PROM2: variants seen among roughly 807,000 people sequenced by gnomAD.
PROM2 encodes prominin-2.
In PROM2, 90 loss-of-function variants were observed where a neutral mutation model predicts 110.2. The ratio of observed to expected loss-of-function variants is 0.82; its 90% CI spans 0.69 to 0.97. The LOEUF is 0.97. Among genes scored for constraint, PROM2 ranks in the 50% least tolerant of loss-of-function variants. The probability of loss-of-function intolerance (pLI) is 0.00; values close to 1 mark genes in which losing one functional copy is unlikely to be tolerated. For missense variants in PROM2, 1,009 were observed against 1,074.8 expected (o/e 0.94, Z 0.86); for synonymous variants, 470 against 467.8 (o/e 1.00, Z -0.06).
In PROM2 at chr2:95,289,253, C is replaced by T. The variant is rs1354075354; in HGVS notation, c.*40C>T. 7.3e-6 allele frequency: 4 copies of T among 549,608 alleles called. No homozygotes were observed. Among genetic ancestry groups the T allele is most frequent in the Non-Finnish European group, 1.3e-5 (4 of 304,684 alleles). 34.0% of individuals were successfully genotyped at this position (549,608 alleles called of 1,614,324 possible). On this transcript the variant is annotated 3_prime_UTR_variant, in exon 24 of 24. Transcript: ENST00000317620. The stretch of plus-strand genomic sequence containing the variant: ...AGGTGACCCTGAGGCTGCCTGTCCT[C>T]CCCTTTGATTTAGCCTGGGCCACAG...
intron 6 of PROM2, 57 bp downstream of exon 6, chr2:95,277,118 G>A (rs941657331): frequency 4.2e-6 from 6 of 1,438,932 alleles, no homozygotes; most frequent in African/African-American, 2.8e-5. Flanking sequence ...CTCCTGGGGC[G>A]ATCCCACCTG....
At position 95,275,198 on chromosome 2, in the gene PROM2, C is replaced by A. The variant is rs186090098; in HGVS notation, c.245-263C>A. Among the ~76,000 whole-genome samples, 8 of 152,360 alleles carry A rather than the reference C, an allele frequency of 5.3e-5. No individual in the cohort carries two copies. In the East Asian group the frequency reaches 1.5e-3, roughly 29 times the overall value. ...GAAGAACTGCCAGGCCAGACCCCTT[C>A]TCTGCCTTTGCCCAGGCTCAGGACT... On this transcript the variant is annotated intron_variant, in intron 1 of 23. Transcript: ENST00000317620. This position sits in a 1 kb window ranked among gnomAD's most constrained non-coding sequence, Gnocchi z 4.4.
At position 95,289,666 on chromosome 2, in the gene PROM2, G is replaced by A. The variant is rs928442316; in HGVS notation, c.*453G>A. 12 of 141,074 alleles carry A rather than the reference G, an allele frequency of 8.5e-5. No homozygotes were observed. Among genetic ancestry groups the A allele is most frequent in the African/African-American group, 2.4e-4 (9 of 37,764 alleles). The allele number at this position is 141,074 out of a possible 1,614,324, so 8.7% of individuals were successfully genotyped here. ...TCGCCCCCCACACCGTCCTCATCTG[G>A]CCTCCCCCCTGGCCCCCACTTCCCT... On this transcript the variant is annotated 3_prime_UTR_variant, in exon 24 of 24. Transcript: ENST00000317620.
intron 13 of PROM2, 38 bp from the exon 14 acceptor site, chr2:95,282,104 C>T: frequency 2.5e-6 from 4 of 1,610,584 alleles, no homozygotes; most frequent in African/African-American, 2.7e-5. Context: ...CCCCGCCACC[C>T]CCAAGGCTCA....
chr2:95,278,461 T>C (rs1573448834), intron 8 of PROM2: 1 of 579,620 alleles, frequency 1.7e-6, no homozygotes. Context: ...GACCTGGCAG[T>C]TGTGTGGAGG....
chr2:95,284,946 C>T, intron 14 of PROM2, 23 bp from the exon 15 acceptor site: 1 of 1,604,116 alleles, frequency 6.2e-7, no homozygotes, highest in Non-Finnish European at 8.5e-7. Context: ...GGCATGACTC[C>T]CACCCTGCGC....
At position 95,286,503 on chromosome 2, in the gene PROM2, C is replaced by T; in HGVS notation, c.1972C>T (p.Leu658=). 1 of 1,613,804 alleles carries T rather than the reference C, an allele frequency of 6.2e-7. No individual in the cohort carries two copies. The highest frequency in any genetic ancestry group is 8.5e-7 in the Non-Finnish European group (1 of 1,179,988). ...AQDNSVLGQR[L]QEEAQGLRNL... is the part of the protein sequence containing the mutation. ...GGACAATTCTGTGCTGGGGCAGCGG[C>T]TGCAGGAGGAGGCCCAAGGACTCAG... is the stretch of plus-strand genomic sequence containing the variant. The change falls in exon 17 of 24, where the codon CTG becomes TTG. Residue 658 remains leucine (L), a synonymous_variant. Coordinates refer to ENST00000317620, the MANE Select transcript of PROM2 (RefSeq NM_001165978.3).
chr2:95,277,119 A>T, intron 6 of PROM2, 58 bp downstream of exon 6: 1 of 1,444,832 alleles, frequency 6.9e-7, no homozygotes, highest in Non-Finnish European at 9.4e-7. Flanking sequence ...TCCTGGGGCG[A>T]TCCCACCTGC....
At position 95,288,559 on chromosome 2, in the gene PROM2, A is replaced by G; in HGVS notation, c.2411A>G (p.Lys804Arg). ...PSIIFAVKTS[K>R]YFRPIRKRLS... ...ATCATCTTTGCCGTCAAGACCTCCA[A>G]ATACTTCCGTCCTATCCGGAAACGC... is the stretch of plus-strand genomic sequence containing the variant. The change falls in exon 22 of 24, where the codon AAA (lysine) becomes AGA (arginine). Residue 804 changes from lysine to arginine, a missense_variant. Physicochemically the swap from Lys to Arg is conservative, Grantham distance 26 (BLOSUM62 2). Coordinates refer to ENST00000317620, the MANE Select transcript of PROM2 (RefSeq NM_001165978.3). The G allele has an allele frequency of 6.2e-7, 1 of 1,614,134 alleles. No homozygotes were observed. Among genetic ancestry groups the G allele is most frequent in the Non-Finnish European group, 8.5e-7 (1 of 1,180,006 alleles).
At chr2:95,280,651 TTTG>T (rs1315030638) in intron 11 of PROM2, among the ~76,000 whole-genome samples, 10 of 152,126 alleles carry the variant, frequency 6.6e-5, no homozygotes, top group Admixed American at 3.3e-4. Flanking sequence ...TTTTGTTTTG[TTTG>T]TTGTTGTTGT....
chr2:95,285,882 C>G (rs1558748605), intron 16 of PROM2, among the ~76,000 whole-genome samples, 172 bp downstream of exon 16: 1 of 152,254 alleles, frequency 6.6e-6, no homozygotes, highest in African/African-American at 2.4e-5. Flanking sequence ...TCAGTTCTGA[C>G]TCAAGCTCTG....
chr2:95,276,103 C>G lies in PROM2; in HGVS notation c.468C>G (p.Val156=). Residue 156 remains valine (V), a synonymous_variant, in exon 3 of 24, where the codon GTC becomes GTG. Coordinates refer to ENST00000317620, the MANE Select transcript of PROM2 (RefSeq NM_001165978.3). The surrounding 1 kb of genome is among the most constrained non-coding windows in gnomAD (Gnocchi z 4.6). ...ALACERAALM[V]FLLLTTLLLL... Reference sequence around the variant, plus strand: ...CCTGTGAGCGCGCGGCCCTCATGGTCTTCCTGCTGCTGACCACCCTCTTGC... The same window carrying G: ...CCTGTGAGCGCGCGGCCCTCATGGTGTTCCTGCTGCTGACCACCCTCTTGC... The G allele has an allele frequency of 6.2e-7, 1 of 1,611,560 alleles. No individual in the cohort carries two copies. Among genetic ancestry groups the G allele is most frequent in the African/African-American group, 1.3e-5 (1 of 75,050 alleles).
Position 95,275,797 on chromosome 2 carries a change from G to A in PROM2, c.295-133G>A. 2.0e-6 allele frequency: 3 copies of A among 1,498,206 alleles called. No homozygotes were observed. The highest frequency in any genetic ancestry group is 2.7e-6 in the Non-Finnish European group (3 of 1,126,936). 92.8% of individuals were successfully genotyped at this position (1,498,206 alleles called of 1,614,324 possible). On this transcript the variant is annotated intron_variant, in intron 2 of 23. Transcript: ENST00000317620. This position sits in a 1 kb window ranked among gnomAD's most constrained non-coding sequence, Gnocchi z 4.4. ...GCAGTAAGAATGCGGTCACCTCTGG[G>A]ACGGGTTCCATGAGATGCAGGCCAT...
Position 95,274,689 on chromosome 2 carries a change from C to G in PROM2, c.104C>G (p.Pro35Arg). 1.9e-6 allele frequency: 3 copies of G among 1,612,792 alleles called. No individual in the cohort carries two copies. Among genetic ancestry groups the G allele is most frequent in the Non-Finnish European group, 2.5e-6 (3 of 1,179,878 alleles). ...AGATDCKFLGPAEHLTFTPAA... is the reference protein window; with the variant it reads ...AGATDCKFLGRAEHLTFTPAA... Reference sequence around the variant, plus strand: ...GCCACAGACTGCAAGTTCCTTGGCCCGGCAGAGCACCTGACATTCACCCCA... The same window carrying G: ...GCCACAGACTGCAAGTTCCTTGGCCGGGCAGAGCACCTGACATTCACCCCA... Residue 35 changes from proline (P) to arginine (R), a missense_variant, in exon 1 of 24, where the codon CCG becomes CGG. By Grantham distance (103) the Pro-to-Arg change is moderately radical. Transcript: ENST00000317620.
chr2:95,277,534 C>T lies in PROM2; in HGVS notation c.943C>T (p.Arg315Cys), dbSNP rs370908025. The change falls in exon 7 of 24, where the codon CGC (arginine) becomes TGC (cysteine). Residue 315 changes from arginine to cysteine, a missense_variant. Physicochemically the swap from Arg to Cys is radical, Grantham distance 180 (BLOSUM62 -3). Transcript: ENST00000317620. ...TTGTGCAGGGGCCCTGAGCTGGGCC[C>T]GCACCCTGGAGCTGGGTGCTGACTT... ...GDCAGALSWA[R>C]TLELGADFSQ... 3.1e-5 allele frequency: 50 copies of T among 1,597,400 alleles called. No homozygotes were observed. The highest frequency in any genetic ancestry group is 1.8e-4 in the South Asian group (16 of 88,710).
rs901333649 is a variant in PROM2, at chr2:95,282,188, G to A, written c.1690G>A (p.Asp564Asn). The A allele has an allele frequency of 5.6e-6, 9 of 1,613,770 alleles. No individual in the cohort carries two copies. The highest frequency in any genetic ancestry group is 1.7e-5 in the Admixed American group (1 of 59,974). Residue 564 changes from aspartate to asparagine, a missense_variant, in exon 14 of 24, where the codon GAC (aspartate) becomes AAC (asparagine). Asp to Asn is a conservative substitution (Grantham distance 23). Transcript: ENST00000317620. Reference sequence around the variant, plus strand: ...GCTCTGGACAGTCCTGCAGCTCAACGACTCCTACGACCTGGAGGAGCACCT... The same window carrying A: ...GCTCTGGACAGTCCTGCAGCTCAACAACTCCTACGACCTGGAGGAGCACCT... The part of the protein sequence containing the change: ...AALWTVLQLN[D>N]SYDLEEHLDI...
chr2:95,281,664 C>T (rs554628436), intron 12 of PROM2, among the ~76,000 whole-genome samples: 17 of 152,210 alleles, frequency 1.1e-4, no homozygotes, highest in South Asian at 2.1e-4. Flanking sequence ...CCCTGGTGCC[C>T]GGTGAGCTGC....
At chr2:95,278,479 A>G in intron 8 of PROM2, 2 of 596,110 alleles carry the variant, frequency 3.4e-6, no homozygotes, top group Non-Finnish European at 3.0e-6. Flanking sequence ...AGGGCGGCTG[A>G]GAGTTCACTG....
intron 12 of PROM2, 121 bp downstream of exon 12, chr2:95,281,486 G>C: frequency 3.3e-6 from 4 of 1,230,512 alleles, no homozygotes; most frequent in Non-Finnish European, 4.4e-6. Context: ...GAGGGGAGGA[G>C]TGAGACAGAC....
Sources: allele counts gnomAD v4.1 joint callset (sites outside exome capture counted in the v4.1 genomes callset), GRCh38; gene constraint gnomAD v4.1.1; non-coding constraint Gnocchi (gnomAD v3.1); transcripts MANE v1.5; gene names NCBI Gene and HGNC (gene_info 2026-07-23, HGNC 2026-07-21).